UBE2E2: variants seen among roughly 807,000 people sequenced by gnomAD.
UBE2E2 encodes the protein ubiquitin-conjugating enzyme E2 E2.
UBE2E2 carries 6 observed loss-of-function variants against 24.7 expected under a neutral mutation model. That is an observed-to-expected ratio of 0.24 (90% CI 0.13 to 0.48). The LOEUF (loss-of-function observed/expected upper bound fraction) is 0.48. UBE2E2 is among the 20% of genes least tolerant of loss of function. The probability of loss-of-function intolerance (pLI) is 0.99; values close to 1 mark genes in which losing one functional copy is unlikely to be tolerated. For missense variants in UBE2E2, 169 were observed against 245.0 expected, an observed-to-expected ratio of 0.69 and a Z score of 2.07; for synonymous variants, 104 against 83.6, an observed-to-expected ratio of 1.24 and a Z score of -1.33.
At chr3:23,353,831 A>G (rs1575581260) in intron 3 of UBE2E2, among the ~76,000 whole-genome samples, 1 of 152,188 alleles carries the variant, frequency 6.6e-6, no homozygotes, top group Non-Finnish European at 1.5e-5. Context: ...TTATAGATTC[A>G]ATGCCATCCC....
At chr3:23,542,147 C>T (rs1695408246) in intron 5 of UBE2E2, among the ~76,000 whole-genome samples, 1 of 152,164 alleles carries the variant, frequency 6.6e-6, no homozygotes, top group South Asian at 2.1e-4. Context: ...AGAGTGCCAG[C>T]CACCCGTGGT....
At chr3:23,436,256 T>C (rs1023902678) in intron 3 of UBE2E2, among the ~76,000 whole-genome samples, 2 of 152,182 alleles carry the variant, frequency 1.3e-5, no homozygotes, top group African/African-American at 4.8e-5. Context: ...ATTTTAGGTG[T>C]TATACCACAG....
At chr3:23,518,325 G>A (rs1206293926) in intron 4 of UBE2E2, among the ~76,000 whole-genome samples, 3 of 152,078 alleles carry the variant, frequency 2.0e-5, no homozygotes, top group Non-Finnish European at 4.4e-5. Flanking sequence ...AAGAAAATTA[G>A]GCATGGAAAT....
intron 3 of UBE2E2, among the ~76,000 whole-genome samples, chr3:23,254,920 A>G (rs1430841466): frequency 6.6e-6 from 1 of 151,770 alleles, no homozygotes; most frequent in Non-Finnish European, 1.5e-5. Context: ...TTCCCCCCTT[A>G]TGTCTCATGA....
chr3:23,284,187 C>G (rs1329381432), intron 3 of UBE2E2, among the ~76,000 whole-genome samples: 1 of 151,526 alleles, frequency 6.6e-6, no homozygotes, highest in Non-Finnish European at 1.5e-5. Context: ...TATTTCTATT[C>G]TAGATTAGCC....
In UBE2E2 at chr3:23,208,764, A is replaced by G; in HGVS notation, c.65A>G (p.Asp22Gly). The change falls in exon 2 of 6, where the codon GAT becomes GGT. Residue 22 changes from aspartate to glycine, a missense_variant. Coordinates refer to ENST00000396703, the MANE Select transcript of UBE2E2 (RefSeq NM_152653.4). ...ACTAGTGGAGGAAGTTCCGATGGAG[A>G]TCAACGTGAAAGTGTTCAGCAAGAA... is the stretch of plus-strand genomic sequence containing the variant. ...PSTSGGSSDG[D>G]QRESVQQEPE... is the part of the protein sequence containing the mutation. 2 of 1,613,822 alleles carry G rather than the reference A, an allele frequency of 1.2e-6. No individual in the cohort carries two copies. The highest frequency in any genetic ancestry group is 1.7e-6 in the Non-Finnish European group (2 of 1,179,810).
chr3:23,209,573 C>T (rs1253238453), intron 2 of UBE2E2, among the ~76,000 whole-genome samples: 1 of 152,076 alleles, frequency 6.6e-6, no homozygotes, highest in Non-Finnish European at 1.5e-5. Context: ...ATTTTATGTT[C>T]TTGCTTTGTT....
intron 5 of UBE2E2, among the ~76,000 whole-genome samples, chr3:23,549,404 A>G (rs1237745410): frequency 6.6e-6 from 1 of 152,226 alleles, no homozygotes; most frequent in Non-Finnish European, 1.5e-5. Context: ...GTGTCAGGTC[A>G]TGAGAACAAT....
In UBE2E2 at chr3:23,369,426, G is replaced by T. The variant is rs1325427550; in HGVS notation, c.228-130182G>T. On this transcript the variant is annotated intron_variant, in intron 3 of 5. Coordinates refer to ENST00000396703, the MANE Select transcript of UBE2E2 (RefSeq NM_152653.4). The stretch of plus-strand genomic sequence containing the variant: ...TGAGTTTTGGATCTTTTGATTACTT[G>T]TATTCTCTCCTAAGACAAATAATGG... Among the ~76,000 whole-genome samples, 3 of 152,078 alleles carry T rather than the reference G, an allele frequency of 2.0e-5. No homozygotes were observed. In the East Asian group the frequency reaches 5.8e-4, roughly 29 times the overall value.
intron 3 of UBE2E2, among the ~76,000 whole-genome samples, chr3:23,476,881 T>G (rs7622178): frequency 6.6e-6 from 1 of 152,152 alleles, no homozygotes; most frequent in Non-Finnish European, 1.5e-5. Context: ...GCCAACATTT[T>G]AACTGAGGAG....
intron 3 of UBE2E2, among the ~76,000 whole-genome samples, chr3:23,405,382 C>A (rs1045011640): frequency 6.6e-6 from 1 of 152,188 alleles, no homozygotes; most frequent in African/African-American, 2.4e-5. Flanking sequence ...AGTCCCAGAG[C>A]TTGTTAGTGG....
At chr3:23,472,718 A>G (rs1238664004) in intron 3 of UBE2E2, among the ~76,000 whole-genome samples, 2 of 150,902 alleles carry the variant, frequency 1.3e-5, no homozygotes, top group Non-Finnish European at 2.9e-5. Flanking sequence ...CCGTGATCAC[A>G]GCTCACTGCA....
At chr3:23,521,374 A>C (rs372167151) in intron 4 of UBE2E2, among the ~76,000 whole-genome samples, 2 of 152,216 alleles carry the variant, frequency 1.3e-5, no homozygotes, top group African/African-American at 4.8e-5. Flanking sequence ...TCCATTAACT[A>C]TCTCAGCTGT....
At chr3:23,556,393 G>A (rs1260862769) in intron 5 of UBE2E2, among the ~76,000 whole-genome samples, 2 of 131,414 alleles carry the variant, frequency 1.5e-5, no homozygotes, top group African/African-American at 3.0e-5. Context: ...CACCCGCCTC[G>A]ACCTCCCAAA....
intron 3 of UBE2E2, among the ~76,000 whole-genome samples, chr3:23,275,186 A>G (rs1698350320): frequency 6.6e-6 from 1 of 152,222 alleles, no homozygotes; most frequent in Non-Finnish European, 1.5e-5. Context: ...AAAGGCTGTG[A>G]AAGAGAAATT....
intron 3 of UBE2E2, among the ~76,000 whole-genome samples, chr3:23,362,969 C>G (rs530782621): frequency 6.6e-6 from 1 of 152,076 alleles, no homozygotes; most frequent in African/African-American, 2.4e-5. Flanking sequence ...CCCTACAAGT[C>G]AGAAGAGATT....
At chr3:23,352,858 G>C (rs1695799466) in intron 3 of UBE2E2, among the ~76,000 whole-genome samples, 1 of 152,166 alleles carries the variant, frequency 6.6e-6, no homozygotes, top group Non-Finnish European at 1.5e-5. Flanking sequence ...AATACAAAAA[G>C]AGGGAATCCT....
intron 4 of UBE2E2, among the ~76,000 whole-genome samples, chr3:23,524,379 A>G (rs755101667): frequency 6.6e-5 from 10 of 152,212 alleles, no homozygotes; most frequent in Non-Finnish European, 1.5e-4. Context: ...AAGAAGAACT[A>G]ATACTCATTG....
chr3:23,318,770 G>T (rs1024503103), intron 3 of UBE2E2, among the ~76,000 whole-genome samples: 3 of 152,090 alleles, frequency 2.0e-5, no homozygotes, highest in African/African-American at 7.2e-5. Context: ...CAACATATGG[G>T]AATTATGGGA....
Sources: allele counts gnomAD v4.1 joint callset (sites outside exome capture counted in the v4.1 genomes callset), GRCh38; gene constraint gnomAD v4.1.1; transcripts MANE v1.5; gene names NCBI Gene and HGNC (gene_info 2026-07-23, HGNC 2026-07-21).